The following USP37 variants were observed in gnomAD, a reference collection of about 807,000 sequenced individuals.
USP37 encodes ubiquitin carboxyl-terminal hydrolase 37.
USP37 carries 27 observed loss-of-function variants against 124.0 expected under a neutral mutation model. The observed-to-expected ratio is 0.22, with a 90% confidence interval of 0.16 to 0.30. USP37 has a LOEUF of 0.30. Ranked by LOEUF, USP37 falls within the 10% of genes least tolerant of loss-of-function variation. The pLI, the probability that USP37 is intolerant of heterozygous loss-of-function variation, is 1.00. For missense variants in USP37, 889 were observed against 1,140.4 expected (o/e 0.78, Z 3.17); for synonymous variants, 365 against 388.0 (o/e 0.94, Z 0.70).
In USP37 at chr2:218,544,428, T is replaced by TAGAGAGAGAGAG. The variant is rs1241793062; in HGVS notation, c.680+1792_680+1793insCTCTCTCTCTCT. 7.1e-3 allele frequency among the ~76,000 whole-genome samples: 356 copies of TAGAGAGAGAGAG among 50,036 alleles called. 1 individual carries two copies. The highest frequency in any genetic ancestry group is 0.012 in the African/African-American group (95 of 8,116). 32.8% of individuals were successfully genotyped at this position (50,036 alleles called of 152,430 possible). A position where few individuals can be genotyped will look rare whatever the true frequency, so the allele number is the denominator to read the frequency against. On this transcript the variant is annotated intron_variant, in intron 8 of 25. Coordinates refer to ENST00000258399, the MANE Select transcript of USP37 (RefSeq NM_020935.3). The stretch of plus-strand genomic sequence containing the variant: ...AAAAATATATATATATATATATATA[T>TAGAGAGAGAGAG]ATAGAGAGAGAGAGAGAGAGAGAGA...
intron 14 of USP37, among the ~76,000 whole-genome samples, chr2:218,493,032 A>G (rs991303237): frequency 7.2e-5 from 11 of 152,044 alleles, no homozygotes; most frequent in African/African-American, 2.7e-4. Flanking sequence ...TTTTTCCCTC[A>G]TATTCAAGAA....
chr2:218,500,408 C>T (rs1559189255), intron 11 of USP37, among the ~76,000 whole-genome samples: 2 of 151,982 alleles, frequency 1.3e-5, no homozygotes, highest in African/African-American at 2.4e-5. Flanking sequence ...TACAGGTGTG[C>T]ACCACCAGGC....
At chr2:218,470,251 T>C (rs1186020462) in intron 20 of USP37, among the ~76,000 whole-genome samples, 2 of 152,210 alleles carry the variant, frequency 1.3e-5, no homozygotes, top group African/African-American at 2.4e-5. Flanking sequence ...AAAAGACAGA[T>C]ATCTGAGGAT....
At chr2:218,501,959 C>T (rs1214097789) in intron 11 of USP37, among the ~76,000 whole-genome samples, 1 of 152,078 alleles carries the variant, frequency 6.6e-6, no homozygotes, top group Non-Finnish European at 1.5e-5. Context: ...TCCACCAGTT[C>T]GAATTTACAC....
intron 20 of USP37, 127 bp from the exon 21 acceptor site, chr2:218,466,303 A>G: frequency 1.9e-6 from 2 of 1,039,328 alleles, no homozygotes; most frequent in Non-Finnish European, 2.7e-6. Context: ...TAGGACATAC[A>G]ATTTCACCTT....
In USP37 at chr2:218,547,043, G is replaced by A. The variant is rs1692369830; in HGVS notation, c.478C>T (p.Arg160Ter). The part of the protein sequence containing the change: ...SLETKDDIPF[R>*]KVLGNPGRGS... ...CTACCCGGATTACCAAGAACTTTTCGAAATGGAATATCATCTTTAGTTTCC... is the reference window on the plus strand; with the variant it reads ...CTACCCGGATTACCAAGAACTTTTCAAAATGGAATATCATCTTTAGTTTCC... The change falls in exon 7 of 26, where the codon CGA (arginine) becomes TGA (stop). Residue 160 changes from arginine (R) to a stop codon, truncating the protein, a stop_gained. Coordinates refer to ENST00000258399, the MANE Select transcript of USP37 (RefSeq NM_020935.3). LOFTEE classifies it high-confidence loss of function. 1.9e-6 allele frequency: 3 copies of A among 1,610,838 alleles called. No individual in the cohort carries two copies. The highest frequency in any genetic ancestry group is 2.5e-6 in the Non-Finnish European group (3 of 1,179,360).
chr2:218,484,829 T>C (rs1020636374), intron 16 of USP37, among the ~76,000 whole-genome samples: 4 of 152,198 alleles, frequency 2.6e-5, no homozygotes, highest in Non-Finnish European at 5.9e-5. Context: ...TTAATGTTAA[T>C]AACAACCTTG....
chr2:218,507,871 A>T (rs992606483), intron 11 of USP37, among the ~76,000 whole-genome samples: 32 of 140,756 alleles, frequency 2.3e-4, no homozygotes, highest in Admixed American at 1.8e-3. Flanking sequence ...TCTTCCCTAT[A>T]ACTAGTTCTG....
chr2:218,532,925 T>A (rs1246613153), intron 9 of USP37, among the ~76,000 whole-genome samples: 1 of 148,974 alleles, frequency 6.7e-6, no homozygotes, highest in African/African-American at 2.5e-5. Context: ...TGAGACCCTA[T>A]CTCAAAAAAA....
intron 6 of USP37, among the ~76,000 whole-genome samples, chr2:218,549,151 A>G (rs1692528393): frequency 6.6e-6 from 1 of 152,222 alleles, no homozygotes; most frequent in East Asian, 1.9e-4. Context: ...TGACGATTTT[A>G]AGGACATATG....
intron 5 of USP37, among the ~76,000 whole-genome samples, chr2:218,552,886 C>G (rs943678049): frequency 6.6e-6 from 1 of 152,104 alleles, no homozygotes; most frequent in African/African-American, 2.4e-5. Context: ...CGACTGCACT[C>G]CAGCCTAGGT....
intron 10 of USP37, among the ~76,000 whole-genome samples, chr2:218,513,220 T>C (rs1013817483): frequency 6.6e-6 from 1 of 151,998 alleles, no homozygotes; most frequent in African/African-American, 2.4e-5. Context: ...TTTGAAGAGA[T>C]GGGGTCCCGC....
intron 20 of USP37, among the ~76,000 whole-genome samples, chr2:218,467,030 C>T (rs539370032): frequency 8.5e-5 from 13 of 152,082 alleles, no homozygotes; most frequent in African/African-American, 2.7e-4. Context: ...TGTGCCTCGC[C>T]GATTTTCCCC....
chr2:218,491,234 T>G (rs189602447), intron 14 of USP37, among the ~76,000 whole-genome samples: 5 of 152,268 alleles, frequency 3.3e-5, no homozygotes, highest in Admixed American at 2.6e-4. Context: ...GTAAGCAAGA[T>G]GTATACTTCC....
In USP37 at chr2:218,541,212, A is replaced by C. The variant is rs777501300; in HGVS notation, c.680+5009T>G. Among the ~76,000 whole-genome samples, 30 of 152,144 alleles carry C rather than the reference A, an allele frequency of 2.0e-4. 1 individual carries two copies. Among genetic ancestry groups the C allele is most frequent in the Non-Finnish European group, 3.2e-4 (22 of 68,034 alleles). The stretch of plus-strand genomic sequence containing the variant: ...CTAGTTCCCAGAGGGGGTGCTTTTT[A>C]ATCAAGGAGGACAGTTGAAGAACAA... On this transcript the variant is annotated intron_variant, in intron 8 of 25. Transcript: ENST00000258399.
chr2:218,556,510 T>G (rs989609307), intron 4 of USP37, among the ~76,000 whole-genome samples: 6 of 131,652 alleles, frequency 4.6e-5, no homozygotes, highest in Admixed American at 1.5e-4. Context: ...TCTGTTTTTT[T>G]TTTTTTTTTT....
chr2:218,551,968 A>G (rs145080501), intron 5 of USP37, among the ~76,000 whole-genome samples: 8,635 of 151,942 alleles, frequency 0.057, 363 homozygotes, highest in East Asian at 0.12. Flanking sequence ...AATTTTTTGT[A>G]TTTTTAGTAG....
At chr2:218,496,926 C>A (rs1427561762) in intron 13 of USP37, among the ~76,000 whole-genome samples, 1 of 151,230 alleles carries the variant, frequency 6.6e-6, no homozygotes, top group Admixed American at 6.6e-5. Flanking sequence ...GCTGGGATTA[C>A]AGGCATGAGC....
intron 8 of USP37, among the ~76,000 whole-genome samples, chr2:218,539,334 G>A (rs992278093): frequency 1.3e-4 from 20 of 152,130 alleles, no homozygotes. Flanking sequence ...AACACAAAAA[G>A]TAACATACAT....
Sources: allele counts gnomAD v4.1 joint callset (sites outside exome capture counted in the v4.1 genomes callset), GRCh38; gene constraint gnomAD v4.1.1; transcripts MANE v1.5; gene names NCBI Gene and HGNC (gene_info 2026-07-23, HGNC 2026-07-21).